LRRC9: variants seen among roughly 807,000 people sequenced by gnomAD.
LRRC9 encodes leucine rich repeat containing 9.
In LRRC9, 122 loss-of-function variants were observed where a neutral mutation model predicts 63.2. That is an observed-to-expected ratio of 1.93 (90% confidence interval 1.67 to 2.24). The LOEUF is 2.24. Ranked by LOEUF, LRRC9 falls within the 30% of genes most tolerant of loss-of-function variation. LRRC9 has a pLI of 0.00. For synonymous variants in LRRC9, 366 were observed against 213.1 expected, an observed-to-expected ratio of 1.72 and a Z score of -6.25; for missense variants, 1,071 against 627.7, an observed-to-expected ratio of 1.71 and a Z score of -7.55.
chr14:60,017,762 G>T lies in LRRC9; in HGVS notation c.3318-609G>T, dbSNP rs1566879672. On this transcript the variant is annotated intron_variant, in intron 24 of 31. Transcript: ENST00000445360. The surrounding 1 kb of genome is among the most constrained non-coding windows in gnomAD (Gnocchi z 4.0). ...AGAACTGGTTAGGGAAAGGGATGTA[G>T]TTTTATGCTCTTCTCTGTCATGGCT... 6.6e-6 allele frequency among the ~76,000 whole-genome samples: 1 copy of T among 152,114 alleles called. No homozygotes were observed. Among genetic ancestry groups the T allele is most frequent in the Non-Finnish European group, 1.5e-5 (1 of 68,006 alleles).
intron 12 of LRRC9, among the ~76,000 whole-genome samples, chr14:59,974,041 T>C (rs1368818806): frequency 6.6e-6 from 1 of 152,056 alleles, no homozygotes; most frequent in African/African-American, 2.4e-5. Context: ...TTTAGAGCTG[T>C]TTTCACGGCA....
chr14:59,965,840 G>A (rs1441562047), intron 10 of LRRC9, among the ~76,000 whole-genome samples: 4 of 125,862 alleles, frequency 3.2e-5, no homozygotes, highest in South Asian at 2.6e-4. Flanking sequence ...TGGAGATGGC[G>A]CCCCTGCACT....
chr14:60,047,276 C>A (rs1893515371), intron 29 of LRRC9, among the ~76,000 whole-genome samples: 1 of 152,028 alleles, frequency 6.6e-6, no homozygotes, highest in African/African-American at 2.4e-5. Flanking sequence ...ATTGTCCTGG[C>A]CAGAACTTCC....
chr14:59,931,560 G>C (rs1028331978), intron 4 of LRRC9, 59 bp from the exon 5 acceptor site: 2 of 674,640 alleles, frequency 3.0e-6, no homozygotes, highest in African/African-American at 1.8e-5. Flanking sequence ...AATCAGAGAT[G>C]ATTTGTAAAT....
intron 7 of LRRC9, among the ~76,000 whole-genome samples, chr14:59,939,091 ACAT>A (rs1164287490): frequency 1.4e-5 from 2 of 146,668 alleles, no homozygotes; most frequent in Non-Finnish European, 1.5e-5. Flanking sequence ...ACACATATAT[ACAT>A]ATATATACAC....
chr14:59,940,364 G>A (rs945922338), intron 7 of LRRC9, among the ~76,000 whole-genome samples: 1 of 152,044 alleles, frequency 6.6e-6, no homozygotes, highest in South Asian at 2.1e-4. Context: ...TCCCTACTAT[G>A]CATGAGACAA....
At chr14:60,009,618 A>C (rs1001736420) in intron 23 of LRRC9, among the ~76,000 whole-genome samples, 2 of 152,174 alleles carry the variant, frequency 1.3e-5, no homozygotes, top group Non-Finnish European at 2.9e-5. Context: ...TCACATTTCA[A>C]AACCAATCAT....
intron 12 of LRRC9, among the ~76,000 whole-genome samples, chr14:59,969,818 C>T (rs970958554): frequency 2.6e-5 from 4 of 152,240 alleles, no homozygotes; most frequent in South Asian, 4.1e-4. Context: ...GGTCAATAAA[C>T]GCAAAGAGTA....
intron 8 of LRRC9, among the ~76,000 whole-genome samples, chr14:59,957,204 A>T (rs1256762505): frequency 6.6e-6 from 1 of 152,166 alleles, no homozygotes; most frequent in Non-Finnish European, 1.5e-5. Flanking sequence ...TCTCCTGGAT[A>T]ATATCCTGAA....
intron 22 of LRRC9, chr14:60,006,835 CT>C (rs1889848398): frequency 1.8e-5 from 6 of 324,984 alleles, no homozygotes; most frequent in Non-Finnish European, 3.3e-5. Flanking sequence ...TCTGGGGTAA[CT>C]TTTTTTAAAT....
At chr14:60,001,033 C>A (rs1468757769) in intron 19 of LRRC9, among the ~76,000 whole-genome samples, 1 of 152,082 alleles carries the variant, frequency 6.6e-6, no homozygotes, top group East Asian at 1.9e-4. Flanking sequence ...ACACAATGAC[C>A]TACCAATTTT....
Position 59,930,372 on chromosome 14 carries a change from C to T in LRRC9, c.268-546C>T, listed in dbSNP as rs1451143754. On this transcript the variant is annotated intron_variant, in intron 3 of 31. Coordinates refer to ENST00000445360, the Ensembl canonical transcript of LRRC9. The surrounding 1 kb of genome is among the most constrained non-coding windows in gnomAD (Gnocchi z 4.9). ...CAATAGCAGAAAACAACCATATGCA[C>T]GAAGCTACTTGTTGCAGCATTATTT... Among the ~76,000 whole-genome samples, 2 of 151,806 alleles carry T rather than the reference C, an allele frequency of 1.3e-5. No homozygotes were observed. The highest frequency in any genetic ancestry group is 6.6e-5 in the Admixed American group (1 of 15,192).
At position 59,936,909 on chromosome 14, in the gene LRRC9, G is replaced by T. The variant is rs143555213; in HGVS notation, c.544-1481G>T. 9.9e-4 allele frequency among the ~76,000 whole-genome samples: 150 copies of T among 152,080 alleles called. No homozygotes were observed. The highest frequency in any genetic ancestry group is 3.5e-3 in the African/African-American group (147 of 41,480). ...GTAGCTTTAGACCTAATGCTTCCTAGTTCTTCCTTTGGATTTCCCTTAACT... is the reference window on the plus strand; with the variant it reads ...GTAGCTTTAGACCTAATGCTTCCTATTTCTTCCTTTGGATTTCCCTTAACT... On this transcript the variant is annotated intron_variant, in intron 6 of 31. Transcript: ENST00000445360. The surrounding 1 kb of genome is among the most constrained non-coding windows in gnomAD (Gnocchi z 4.2).
At chr14:60,032,270 A>G (rs1892052208) in intron 29 of LRRC9, among the ~76,000 whole-genome samples, 1 of 152,108 alleles carries the variant, frequency 6.6e-6, no homozygotes, top group Non-Finnish European at 1.5e-5. Context: ...TCAGGTTTCA[A>G]CATTGTATTC....
chr14:60,029,999 G>T (rs1002028975), intron 28 of LRRC9, among the ~76,000 whole-genome samples: 1 of 152,068 alleles, frequency 6.6e-6, no homozygotes, highest in African/African-American at 2.4e-5. Flanking sequence ...TGGAAATTCT[G>T]TTGAATTCTA....
chr14:59,980,964 G>T (rs219333), intron 15 of LRRC9, among the ~76,000 whole-genome samples: 113,237 of 151,912 alleles, frequency 0.75, 44,369 homozygotes, highest in Non-Finnish European at 0.87. Context: ...CTTCTCTTCT[G>T]GAAAGTTTGC....
intron 29 of LRRC9, among the ~76,000 whole-genome samples, chr14:60,047,823 C>T (rs904670769): frequency 6.6e-6 from 1 of 152,140 alleles, no homozygotes. Flanking sequence ...AACTCTCTAC[C>T]CCCCAGCAAC....
chr14:60,037,452 G>A (rs918818336), intron 29 of LRRC9, among the ~76,000 whole-genome samples: 11 of 152,022 alleles, frequency 7.2e-5, no homozygotes, highest in East Asian at 1.9e-4. Flanking sequence ...TTTAATGATC[G>A]CCATTCTAAC....
At chr14:59,931,160 C>T (rs769528702) in intron 4 of LRRC9, 102 bp downstream of exon 4, 33 of 303,052 alleles carry the variant, frequency 1.1e-4, no homozygotes, top group Non-Finnish European at 1.7e-4. Context: ...CCAAACTATT[C>T]TTGACTAGTA....
Sources: gnomAD v4.1 joint callset for allele counts (sites outside exome capture counted in the v4.1 genomes callset) on GRCh38, gnomAD v4.1.1 for gene constraint, Gnocchi (gnomAD v3.1) non-coding constraint, MANE v1.5 for transcripts, NCBI Gene and HGNC (gene_info 2026-07-23, HGNC 2026-07-21) for gene names.